The following SPCS2 variants were observed in gnomAD, a reference collection of about 807,000 sequenced individuals.
SPCS2 encodes the protein signal peptidase complex subunit 2, also known as SPase 25 kDa subunit.
SPCS2 carries 3 observed loss-of-function variants against 22.3 expected under a neutral mutation model. The ratio of observed to expected loss-of-function variants is 0.13; its 90% CI spans 0.06 to 0.35. SPCS2 has a LOEUF of 0.35. Ranked by LOEUF, SPCS2 falls within the 10% of genes least tolerant of loss-of-function variation. The pLI is 1.00. For synonymous variants in SPCS2, 67 were observed against 97.2 expected, an observed-to-expected ratio of 0.69 and a Z score of 1.83; for missense variants, 169 against 280.9, an observed-to-expected ratio of 0.60 and a Z score of 2.85.
rs751392780 is a variant in SPCS2, at chr11:74,969,548, C to T, written c.360-17C>T. Reference sequence around the variant, plus strand: ...CTCTTTTATGTTTGGGTATTTTCCCCTTAACTTTATTTGAACCTATTTTGT... The same window carrying T: ...CTCTTTTATGTTTGGGTATTTTCCCTTTAACTTTATTTGAACCTATTTTGT... On this transcript the variant is annotated splice_polypyrimidine_tract_variant and intron_variant, in intron 3 of 4. Coordinates refer to ENST00000263672, the MANE Select transcript of SPCS2 (RefSeq NM_014752.3). The T allele has an allele frequency of 5.0e-6, 8 of 1,610,626 alleles. No homozygotes were observed. In the East Asian group the frequency reaches 1.6e-4, roughly 31 times the overall value.
At chr11:74,968,578 C>T (rs550869) in intron 3 of SPCS2, among the ~76,000 whole-genome samples, 60,693 of 149,876 alleles carry the variant, frequency 0.4, 13,133 homozygotes, top group Middle Eastern at 0.51. Flanking sequence ...CACAGTGGCA[C>T]GATCTCGGCT....
chr11:74,960,128 C>T (rs896974761), intron 1 of SPCS2, among the ~76,000 whole-genome samples: 2 of 152,094 alleles, frequency 1.3e-5, no homozygotes, highest in Non-Finnish European at 2.9e-5. Flanking sequence ...GCCAGGAGTT[C>T]GAGACTAGCC....
At chr11:74,964,664 G>A (rs1298402147) in intron 1 of SPCS2, among the ~76,000 whole-genome samples, 1 of 152,134 alleles carries the variant, frequency 6.6e-6, no homozygotes, top group Admixed American at 6.6e-5. Context: ...ATGAAGGTGG[G>A]ATATACAAGT....
chr11:74,955,761 A>G (rs2140214347), intron 1 of SPCS2, among the ~76,000 whole-genome samples: 1 of 149,348 alleles, frequency 6.7e-6, no homozygotes, highest in African/African-American at 2.5e-5. Flanking sequence ...TAAAGTTTCA[A>G]ATTATTATTT....
chr11:74,957,558 G>A (rs890242857), intron 1 of SPCS2, among the ~76,000 whole-genome samples: 1 of 152,148 alleles, frequency 6.6e-6, no homozygotes, highest in South Asian at 2.1e-4. Context: ...GTCTTCCTTG[G>A]CAGCATCCCT....
At chr11:74,962,688 C>T (rs548545497) in intron 1 of SPCS2, among the ~76,000 whole-genome samples, 6 of 152,182 alleles carry the variant, frequency 3.9e-5, no homozygotes, top group Non-Finnish European at 8.8e-5. Flanking sequence ...CTAATAGCAA[C>T]TCCCCTTCTT....
intron 1 of SPCS2, among the ~76,000 whole-genome samples, chr11:74,963,868 C>G (rs950062061): frequency 6.6e-6 from 1 of 152,120 alleles, no homozygotes; most frequent in African/African-American, 2.4e-5. Flanking sequence ...TTCACTTGAT[C>G]TAAAAAATTA....
chr11:74,963,865 G>T (rs1479573813), intron 1 of SPCS2, among the ~76,000 whole-genome samples: 1 of 152,122 alleles, frequency 6.6e-6, no homozygotes, highest in Admixed American at 6.5e-5. Context: ...TTGTTCACTT[G>T]ATCTAAAAAA....
chr11:74,973,626 C>T (rs968671465), intron 4 of SPCS2, among the ~76,000 whole-genome samples: 8 of 152,140 alleles, frequency 5.3e-5, no homozygotes, highest in African/African-American at 1.9e-4. Flanking sequence ...ATCTGTAACC[C>T]ACTTCACTTC....
At chr11:74,952,186 A>G (rs1188536836) in intron 1 of SPCS2, among the ~76,000 whole-genome samples, 1 of 152,142 alleles carries the variant, frequency 6.6e-6, no homozygotes, top group African/African-American at 2.4e-5. Flanking sequence ...TATAATATAT[A>G]ATAAAAAGAG....
At chr11:74,951,519 T>C (rs1396000891) in intron 1 of SPCS2, among the ~76,000 whole-genome samples, 1 of 151,544 alleles carries the variant, frequency 6.6e-6, no homozygotes, top group Non-Finnish European at 1.5e-5. Context: ...TTGATAAGAG[T>C]AAGAGCCTCG....
Position 74,949,340 on chromosome 11 carries a change from G to A in SPCS2, c.55G>A (p.Gly19Arg). Residue 19 changes from glycine to arginine, a missense_variant, in exon 1 of 5, where the codon GGG becomes AGG. Coordinates refer to ENST00000263672, the MANE Select transcript of SPCS2 (RefSeq NM_014752.3). ...GRSGGSGGCS[G>R]AGGASNCGTG... ...AAGCGGTGGTAGCGGAGGCTGTAGT[G>A]GGGCTGGTGGTGCTTCCAACTGCGG... 1 of 1,551,350 alleles carries A rather than the reference G, an allele frequency of 6.4e-7. No individual in the cohort carries two copies. Among genetic ancestry groups the A allele is most frequent in the Non-Finnish European group, 8.7e-7 (1 of 1,146,900 alleles).
chr11:74,968,617 G>C (rs996808034), intron 3 of SPCS2, among the ~76,000 whole-genome samples: 2 of 150,930 alleles, frequency 1.3e-5, no homozygotes, highest in Non-Finnish European at 2.9e-5. Context: ...TCTGCTTCCT[G>C]GGTTCAAGCC....
At position 74,976,847 on chromosome 11, in the gene SPCS2, C is replaced by G; in HGVS notation, c.495-10C>G. On this transcript the variant is annotated splice_polypyrimidine_tract_variant and intron_variant, in intron 4 of 4. Coordinates refer to ENST00000263672, the MANE Select transcript of SPCS2 (RefSeq NM_014752.3). ...GGTTTTTAATTTGTTATCTTTGCCC[C>G]CATGCTTAGGTTTGATGACAAATAC... The G allele has an allele frequency of 2.5e-6, 4 of 1,613,650 alleles. No individual in the cohort carries two copies. Among genetic ancestry groups the G allele is most frequent in the East Asian group, 4.5e-5 (2 of 44,884 alleles).
At chr11:74,949,959 T>A (rs1948350740) in intron 1 of SPCS2, among the ~76,000 whole-genome samples, 1 of 152,140 alleles carries the variant, frequency 6.6e-6, no homozygotes, top group Non-Finnish European at 1.5e-5. Context: ...TTTCCTGTTG[T>A]TTTTCCCCGC....
At chr11:74,949,561 C>T (rs1397756885) in intron 1 of SPCS2, 162 bp downstream of exon 1, 2 of 695,882 alleles carry the variant, frequency 2.9e-6, no homozygotes, top group Non-Finnish European at 2.6e-6. Context: ...TGCCCTTGCC[C>T]TCATCACACT....
Position 74,949,270 on chromosome 11 carries a change from CG to C in SPCS2, c.-15del, listed in dbSNP as rs1202969125. The C allele has an allele frequency of 1.1e-5, 17 of 1,531,904 alleles. No homozygotes were observed. Among genetic ancestry groups the C allele is most frequent in the Non-Finnish European group, 1.3e-5 (15 of 1,139,186 alleles). 94.9% of individuals were successfully genotyped at this position (1,531,904 alleles called of 1,614,324 possible). A position where few individuals can be genotyped will look rare whatever the true frequency, so the allele number is the denominator to read the frequency against. ...TCAGACAAGTCGGAGGGGAGGGAGA[CG>C]CAGAGGCGGACAAGATGGCGGCGGC... On this transcript the variant is annotated 5_prime_UTR_variant, in exon 1 of 5. Transcript: ENST00000263672.
Position 74,958,326 on chromosome 11 carries a change from G to A in SPCS2, c.115-6708G>A, listed in dbSNP as rs80272170. ...AGTAATTTTCTTTGCAGTGTATCTT[G>A]GCCATTTTTATAAAAAATAGATTGA... On this transcript the variant is annotated intron_variant, in intron 1 of 4. Coordinates refer to ENST00000263672, the MANE Select transcript of SPCS2 (RefSeq NM_014752.3). Among the ~76,000 whole-genome samples the A allele has an allele frequency of 3.6e-3, 545 of 152,194 alleles. 1 individual carries two copies. Among genetic ancestry groups the A allele is most frequent in the Non-Finnish European group, 5.8e-3 (394 of 67,998 alleles).
At chr11:74,975,316 G>A (rs1230864800) in intron 4 of SPCS2, among the ~76,000 whole-genome samples, 2 of 152,086 alleles carry the variant, frequency 1.3e-5, no homozygotes, top group East Asian at 3.9e-4. Context: ...CATCTGCTTA[G>A]TGAAGGCTTT....
Sources: gnomAD v4.1 joint callset for allele counts (sites outside exome capture counted in the v4.1 genomes callset) on GRCh38, gnomAD v4.1.1 for gene constraint, MANE v1.5 for transcripts, NCBI Gene and HGNC (gene_info 2026-07-23, HGNC 2026-07-21) for gene names.